The following USP25 variants were observed in gnomAD, a reference collection of about 807,000 sequenced individuals.
The protein encoded by USP25 is ubiquitin specific peptidase 25, also known as ubiquitin carboxyl-terminal hydrolase 25.
A neutral mutation model predicts 158.5 loss-of-function variants in USP25; 85 were observed. The observed-to-expected ratio is 0.54, with a 90% CI of 0.45 to 0.64. The LOEUF is 0.64. USP25 is among the 30% of genes least tolerant of loss of function. The pLI is 0.00. For missense variants in USP25, 1,242 were observed against 1,327.3 expected (o/e 0.94, Z 1.00); for synonymous variants, 464 against 460.4 (o/e 1.01, Z -0.10).
intron 9 of USP25, among the ~76,000 whole-genome samples, chr21:15,812,253 G>A (rs967702040): frequency 3.9e-5 from 6 of 151,990 alleles, no homozygotes; most frequent in Admixed American, 6.6e-5. Context: ...CTGATGCAGC[G>A]AGTAGGTCTC....
intron 1 of USP25, among the ~76,000 whole-genome samples, chr21:15,750,468 G>C (rs1485266491): frequency 6.6e-6 from 1 of 151,324 alleles, no homozygotes; most frequent in Non-Finnish European, 1.5e-5. Context: ...GACCTCAGGT[G>C]ATCCACCCGC....
chr21:15,804,626 T>C (rs2146267422), intron 6 of USP25, among the ~76,000 whole-genome samples: 1 of 152,196 alleles, frequency 6.6e-6, no homozygotes, highest in African/African-American at 2.4e-5. Flanking sequence ...AGATGTGGAA[T>C]TTGAAGGTAT....
chr21:15,850,996 A>AT (rs879866046), intron 20 of USP25, among the ~76,000 whole-genome samples: 17 of 151,936 alleles, frequency 1.1e-4, no homozygotes, highest in Admixed American at 1.0e-3. Flanking sequence ...AGAAAAATGT[A>AT]TTTTTTATAG....
At chr21:15,876,591 A>T (rs1313968875) in intron 24 of USP25, 1 of 164,022 alleles carries the variant, frequency 6.1e-6, no homozygotes, top group Admixed American at 6.4e-5. Flanking sequence ...GATGCTTATG[A>T]AACCATCAGA....
intron 2 of USP25, among the ~76,000 whole-genome samples, chr21:15,765,658 T>C (rs529647204): frequency 3.9e-5 from 6 of 152,060 alleles, no homozygotes; most frequent in Non-Finnish European, 7.4e-5. Context: ...TTGCACTCTT[T>C]CGTATGGCAA....
At chr21:15,866,955 A>AT (rs1406322997) in intron 22 of USP25, among the ~76,000 whole-genome samples, 2 of 151,972 alleles carry the variant, frequency 1.3e-5, no homozygotes, top group Non-Finnish European at 2.9e-5. Flanking sequence ...TGTGGGCTGT[A>AT]TTTTTTCCTT....
intron 20 of USP25, among the ~76,000 whole-genome samples, chr21:15,855,153 A>G (rs2039074497): frequency 6.6e-6 from 1 of 152,192 alleles, no homozygotes; most frequent in South Asian, 2.1e-4. Context: ...TTTAAAAGAC[A>G]TTAAAATTTC....
At chr21:15,812,978 C>T (rs564124991) in intron 9 of USP25, among the ~76,000 whole-genome samples, 1 of 152,148 alleles carries the variant, frequency 6.6e-6, no homozygotes, top group African/African-American at 2.4e-5. Flanking sequence ...CTGTACTTCA[C>T]TCCTTCCTTT....
chr21:15,757,591 CA>C (rs1252197227), intron 1 of USP25, among the ~76,000 whole-genome samples: 1 of 152,216 alleles, frequency 6.6e-6, no homozygotes, highest in East Asian at 1.9e-4. Flanking sequence ...CACTCACACT[CA>C]CAGATTTGCT....
chr21:15,795,060 C>T (rs1226459726), intron 5 of USP25, among the ~76,000 whole-genome samples: 1 of 151,538 alleles, frequency 6.6e-6, no homozygotes, highest in South Asian at 2.1e-4. Context: ...TTAAACCTGT[C>T]TGCTTCCTAG....
At chr21:15,840,774 A>G (rs573156269) in intron 17 of USP25, among the ~76,000 whole-genome samples, 4 of 152,340 alleles carry the variant, frequency 2.6e-5, no homozygotes, top group African/African-American at 7.2e-5. Context: ...TCAGTGGGTC[A>G]TTAGACCAAT....
At chr21:15,732,116 G>T (rs2093477062) in intron 1 of USP25, among the ~76,000 whole-genome samples, 1 of 152,154 alleles carries the variant, frequency 6.6e-6, no homozygotes, top group South Asian at 2.1e-4. Flanking sequence ...TCAAGTTAAC[G>T]AAAGTGATCT....
rs1429566066 is a variant in USP25, at chr21:15,875,489, A to G, written c.3009+963A>G. Among the ~76,000 whole-genome samples the G allele has an allele frequency of 6.6e-6, 1 of 152,194 alleles. No individual in the cohort carries two copies. The highest frequency in any genetic ancestry group is 1.5e-5 in the Non-Finnish European group (1 of 68,036). ...GGTTCTGAGGGATACAAACATGAGT[A>G]AGATGTACTTCCTGTCCTCAGAAAA... On this transcript the variant is annotated intron_variant, in intron 24 of 25. Coordinates refer to ENST00000400183, the MANE Select transcript of USP25 (RefSeq NM_001283041.3). This position sits in a 1 kb window ranked among gnomAD's most constrained non-coding sequence, Gnocchi z 4.7.
chr21:15,825,244 T>C lies in USP25; in HGVS notation c.1304+183T>C, dbSNP rs149617792. Reference sequence around the variant, plus strand: ...AGTAGACTTTAAAAAATTATTCTAGTGTTTAAAATTAAATATCTCATTGTC... The same window carrying C: ...AGTAGACTTTAAAAAATTATTCTAGCGTTTAAAATTAAATATCTCATTGTC... On this transcript the variant is annotated intron_variant, in intron 12 of 25. Coordinates refer to ENST00000400183, the MANE Select transcript of USP25 (RefSeq NM_001283041.3). Among the ~76,000 whole-genome samples, 363 of 152,324 alleles carry C rather than the reference T, an allele frequency of 2.4e-3. 3 individuals are homozygous for C. Among genetic ancestry groups the C allele is most frequent in the African/African-American group, 8.2e-3 (342 of 41,576 alleles).
chr21:15,874,249 C>G (rs1046790899), intron 23 of USP25, among the ~76,000 whole-genome samples, 154 bp from the exon 24 acceptor site: 1 of 152,062 alleles, frequency 6.6e-6, no homozygotes, highest in Non-Finnish European at 1.5e-5. Flanking sequence ...GCTAAAAAGG[C>G]GCTCTCAAGC....
intron 4 of USP25, among the ~76,000 whole-genome samples, chr21:15,778,349 G>A (rs1022407906): frequency 9.2e-5 from 14 of 151,978 alleles, no homozygotes; most frequent in African/African-American, 3.1e-4. Context: ...GCAAGGGTCA[G>A]CATCCTTTTT....
At chr21:15,842,067 G>C (rs553634104) in intron 17 of USP25, among the ~76,000 whole-genome samples, 1 of 152,100 alleles carries the variant, frequency 6.6e-6, no homozygotes, top group Admixed American at 6.6e-5. Context: ...CAAGATTGCT[G>C]TTCAAACCAA....
chr21:15,841,318 G>A (rs1232511095), intron 17 of USP25, among the ~76,000 whole-genome samples: 1 of 151,956 alleles, frequency 6.6e-6, no homozygotes, highest in African/African-American at 2.4e-5. Context: ...TTGCTCTACT[G>A]CCTTCTATTA....
chr21:15,857,018 C>T (rs146218940), intron 20 of USP25, among the ~76,000 whole-genome samples: 58 of 152,312 alleles, frequency 3.8e-4, no homozygotes, highest in South Asian at 2.1e-4. Context: ...CTTACTCATA[C>T]TCTAATTTAG....
Sources: gnomAD v4.1 joint callset for allele counts (sites outside exome capture counted in the v4.1 genomes callset) on GRCh38, gnomAD v4.1.1 for gene constraint, Gnocchi (gnomAD v3.1) non-coding constraint, MANE v1.5 for transcripts, NCBI Gene and HGNC (gene_info 2026-07-23, HGNC 2026-07-21) for gene names.